The following GALNT18 variants were observed in gnomAD, a reference collection of about 807,000 sequenced individuals.
GALNT18 encodes the protein polypeptide N-acetylgalactosaminyltransferase 18.
A neutral mutation model predicts 69.5 loss-of-function variants in GALNT18; 44 were observed. The observed-to-expected ratio is 0.63, with a 90% CI of 0.50 to 0.81. GALNT18 has a LOEUF of 0.81. Among genes scored for constraint, GALNT18 ranks in the 40% least tolerant of loss-of-function variants. The probability of loss-of-function intolerance (pLI) is 0.00; values close to 1 mark genes in which losing one functional copy is unlikely to be tolerated. For missense variants in GALNT18, 715 were observed against 810.0 expected (o/e 0.88, Z 1.42); for synonymous variants, 364 against 318.2 (o/e 1.14, Z -1.53).
chr11:11,360,352 C>T (rs189243110), intron 6 of GALNT18, among the ~76,000 whole-genome samples: 5 of 152,306 alleles, frequency 3.3e-5, no homozygotes, highest in South Asian at 4.1e-4. Context: ...TTCAGCCTTG[C>T]GTTTTGACCC....
chr11:11,522,596 C>T (rs940871733), intron 1 of GALNT18, among the ~76,000 whole-genome samples: 2 of 152,206 alleles, frequency 1.3e-5, no homozygotes, highest in Non-Finnish European at 1.5e-5. Flanking sequence ...CCACATGCCA[C>T]GCTCCTTGGG....
intron 3 of GALNT18, among the ~76,000 whole-genome samples, chr11:11,391,179 C>A (rs1237065005): frequency 6.6e-6 from 1 of 152,250 alleles, no homozygotes; most frequent in Non-Finnish European, 1.5e-5. Flanking sequence ...GGGCCACTTA[C>A]CACCTAGCCA....
rs1048202781 is a variant in GALNT18, at chr11:11,347,587, A to G, written c.1093-6583T>C. Among the ~76,000 whole-genome samples the G allele has an allele frequency of 2.0e-5, 3 of 152,182 alleles. No individual in the cohort carries two copies. Among genetic ancestry groups the G allele is most frequent in the African/African-American group, 4.8e-5 (2 of 41,432 alleles). On this transcript the variant is annotated intron_variant, in intron 6 of 10. Coordinates refer to ENST00000227756, the MANE Select transcript of GALNT18 (RefSeq NM_198516.3). The surrounding 1 kb of genome is among the most constrained non-coding windows in gnomAD (Gnocchi z 4.0). Reference sequence around the variant, plus strand: ...AGCCACATCCACAAGATCAGATCTCAGATACTGTGCAGCTTTCATCTTCTT... The same window carrying G: ...AGCCACATCCACAAGATCAGATCTCGGATACTGTGCAGCTTTCATCTTCTT...
chr11:11,528,639 C>T (rs1009852678), intron 1 of GALNT18, among the ~76,000 whole-genome samples: 4 of 152,018 alleles, frequency 2.6e-5, no homozygotes, highest in Non-Finnish European at 4.4e-5. Flanking sequence ...ATGGGCTATG[C>T]GGGGCAAGAC....
chr11:11,504,466 T>C (rs564631256), intron 1 of GALNT18, among the ~76,000 whole-genome samples: 8 of 151,900 alleles, frequency 5.3e-5, no homozygotes, highest in African/African-American at 1.7e-4. Flanking sequence ...CACAAATAAA[T>C]CAGGTCATCA....
chr11:11,575,606 G>T (rs1565021951), intron 1 of GALNT18, among the ~76,000 whole-genome samples: 1 of 152,242 alleles, frequency 6.6e-6, no homozygotes, highest in Non-Finnish European at 1.5e-5. Context: ...GAGTTCTCAT[G>T]CCTTGGAACT....
In GALNT18 at chr11:11,591,228, G is replaced by A. The variant is rs1438576501; in HGVS notation, c.235+30131C>T. Among the ~76,000 whole-genome samples the A allele has an allele frequency of 6.6e-6, 1 of 151,528 alleles. No individual in the cohort carries two copies. The highest frequency in any genetic ancestry group is 2.4e-5 in the African/African-American group (1 of 41,168). On this transcript the variant is annotated intron_variant, in intron 1 of 10. Coordinates refer to ENST00000227756, the MANE Select transcript of GALNT18 (RefSeq NM_198516.3). This position sits in a 1 kb window ranked among gnomAD's most constrained non-coding sequence, Gnocchi z 4.8. ...TAAGGCCTTTTTAAGGCTTTGTAAG[G>A]CTTAAAAGCTAAGACACACATACAC... is the stretch of plus-strand genomic sequence containing the variant.
intron 1 of GALNT18, among the ~76,000 whole-genome samples, chr11:11,560,161 T>TGGA (rs1565012841): frequency 2.4e-3 from 5 of 2,080 alleles, no homozygotes; most frequent in Admixed American, 5.7e-3. Context: ...TGATGGGATG[T>TGGA]ATGGGATGGG....
rs946542346 is a variant in GALNT18, at chr11:11,565,012, G to A, written c.235+56347C>T. Among the ~76,000 whole-genome samples, 10 of 152,264 alleles carry A rather than the reference G, an allele frequency of 6.6e-5. No individual in the cohort carries two copies. The Middle Eastern group carries it at 0.01, about 155-fold the overall frequency. ...ATATATTCCTTCACAGGTTAAACTC[G>A]GGGTGCCAGGGATACACCACTGCTC... On this transcript the variant is annotated intron_variant, in intron 1 of 10. Transcript: ENST00000227756.
chr11:11,580,190 T>C (rs770931054), intron 1 of GALNT18, among the ~76,000 whole-genome samples: 1 of 152,218 alleles, frequency 6.6e-6, no homozygotes, highest in Non-Finnish European at 1.5e-5. Flanking sequence ...TCACATTCCA[T>C]GTTTGGGTCC....
intron 1 of GALNT18, among the ~76,000 whole-genome samples, chr11:11,518,296 A>G (rs1226510757): frequency 6.6e-6 from 1 of 152,266 alleles, no homozygotes; most frequent in Non-Finnish European, 1.5e-5. Context: ...AGTGTTTGTT[A>G]TCTAACTAAA....
chr11:11,433,778 T>C (rs1431473397), intron 2 of GALNT18, among the ~76,000 whole-genome samples: 2 of 152,178 alleles, frequency 1.3e-5, no homozygotes, highest in Non-Finnish European at 2.9e-5. Context: ...TGCCTGATAC[T>C]AAATGCTGTT....
chr11:11,417,705 T>G (rs1385167169), intron 3 of GALNT18, among the ~76,000 whole-genome samples: 1 of 152,198 alleles, frequency 6.6e-6, no homozygotes, highest in African/African-American at 2.4e-5. Flanking sequence ...ATATTCACAC[T>G]GTCTAGCCTT....
chr11:11,361,722 T>C (rs1850650256), intron 6 of GALNT18, among the ~76,000 whole-genome samples: 1 of 152,192 alleles, frequency 6.6e-6, no homozygotes, highest in African/African-American at 2.4e-5. Flanking sequence ...GGTCTGTAAA[T>C]TCAAAGCCTG....
In GALNT18 at chr11:11,337,790, A is replaced by C. The variant is rs1200074520; in HGVS notation, c.1278+3029T>G. 6.6e-6 allele frequency among the ~76,000 whole-genome samples: 1 copy of C among 152,088 alleles called. No homozygotes were observed. The highest frequency in any genetic ancestry group is 1.5e-5 in the Non-Finnish European group (1 of 68,028). On this transcript the variant is annotated intron_variant, in intron 7 of 10. Transcript: ENST00000227756. The surrounding 1 kb of genome is among the most constrained non-coding windows in gnomAD (Gnocchi z 4.9). ...GGACGGTATGTAATGGGCAGTTCCC[A>C]TAGTCCACGCAACGTATGCAGACTT...
chr11:11,396,848 G>A lies in GALNT18; in HGVS notation c.596-17584C>T, dbSNP rs375955651. On this transcript the variant is annotated intron_variant, in intron 3 of 10. Transcript: ENST00000227756. This position sits in a 1 kb window ranked among gnomAD's most constrained non-coding sequence, Gnocchi z 5.2. ...AATAGGGAGGGTCTTGGCTGCCAAA[G>A]GAAAGGCTTTCATTCCAGTCAAAGC... Among the ~76,000 whole-genome samples the A allele has an allele frequency of 6.6e-6, 1 of 152,128 alleles. No individual in the cohort carries two copies. Among genetic ancestry groups the A allele is most frequent in the African/African-American group, 2.4e-5 (1 of 41,396 alleles).
At chr11:11,406,498 G>GC (rs1854590984) in intron 3 of GALNT18, among the ~76,000 whole-genome samples, 1 of 152,198 alleles carries the variant, frequency 6.6e-6, no homozygotes, top group Admixed American at 6.5e-5. Context: ...GATATTTCCA[G>GC]CCCCCTGTCC....
rs987852698 is a variant in GALNT18, at chr11:11,338,311, G to A, written c.1278+2508C>T. ...CAGGGCGATGGCATGGTTGTTGTGA[G>A]TGTTTTAAAGATAACTTTGGGTATT... is the stretch of plus-strand genomic sequence containing the variant. On this transcript the variant is annotated intron_variant, in intron 7 of 10. Transcript: ENST00000227756. This position sits in a 1 kb window ranked among gnomAD's most constrained non-coding sequence, Gnocchi z 5.3. Among the ~76,000 whole-genome samples the A allele has an allele frequency of 6.6e-6, 1 of 151,986 alleles. No homozygotes were observed. Among genetic ancestry groups the A allele is most frequent in the Non-Finnish European group, 1.5e-5 (1 of 67,898 alleles).
At chr11:11,484,616 A>G (rs1039020107) in intron 1 of GALNT18, among the ~76,000 whole-genome samples, 1 of 141,934 alleles carries the variant, frequency 7.0e-6, no homozygotes, top group Non-Finnish European at 1.6e-5. Context: ...AAAAAAAAAA[A>G]TACCCAAGTG....
Sources: gnomAD v4.1 joint callset for allele counts (sites outside exome capture counted in the v4.1 genomes callset) on GRCh38, gnomAD v4.1.1 for gene constraint, Gnocchi (gnomAD v3.1) non-coding constraint, MANE v1.5 for transcripts, NCBI Gene and HGNC (gene_info 2026-07-23, HGNC 2026-07-21) for gene names.